Variants in ANO7 observed in about 807,000 individuals in gnomAD.
ANO7 encodes anoctamin 7, also known as anoctamin-7.
In ANO7, 114 loss-of-function variants were observed where a neutral mutation model predicts 115.8. That is an observed-to-expected ratio of 0.98 (90% CI 0.85 to 1.15). The LOEUF is 1.15. Among genes scored for constraint, ANO7 ranks in the 50% most tolerant of loss-of-function variants. ANO7 has a pLI of 0.00. For missense variants in ANO7, 1,302 were observed against 1,201.2 expected (o/e 1.08, Z -1.24); for synonymous variants, 550 against 498.2 (o/e 1.10, Z -1.38).
At chr2:241,192,291 C>T (rs1376488340) in intron 3 of ANO7, among the ~76,000 whole-genome samples, 1 of 152,206 alleles carries the variant, frequency 6.6e-6, no homozygotes, top group African/African-American at 2.4e-5. Flanking sequence ...CGCCATTGCA[C>T]TCCAGCCTGG....
downstream of ANO7, chr2:241,227,365 G>A (rs1294505312): frequency 1.3e-5 from 2 of 152,528 alleles, no homozygotes; most frequent in Non-Finnish European, 2.9e-5. Context: ...ACACATGTTT[G>A]CATATAATCT....
At chr2:241,223,099 A>C (rs1428102410) in intron 21 of ANO7, 87 bp from the exon 22 acceptor site, 1 of 1,212,412 alleles carries the variant, frequency 8.2e-7, no homozygotes, top group Non-Finnish European at 1.2e-6. Flanking sequence ...AAATGGTGGA[A>C]AAAGGGGAGA....
chr2:241,203,262 C>A lies in ANO7; in HGVS notation c.724-71C>A. The A allele has an allele frequency of 7.7e-7, 1 of 1,300,480 alleles. No individual in the cohort carries two copies. Among genetic ancestry groups the A allele is most frequent in the Non-Finnish European group, 1.0e-6 (1 of 974,352 alleles). The allele number at this position is 1,300,480 out of a possible 1,614,324, so 80.6% of individuals were successfully genotyped here. A position where few individuals can be genotyped will look rare whatever the true frequency, so the allele number is the denominator to read the frequency against. ...GTCTGCCCATGTCCCACACTGAAGC[C>A]CCTGCACCTACAACAGTGCCCAGTG... On this transcript the variant is annotated intron_variant, in intron 8 of 24. Coordinates refer to ENST00000674324, the MANE Select transcript of ANO7 (RefSeq NM_001370694.2). The surrounding 1 kb of genome is among the most constrained non-coding windows in gnomAD (Gnocchi z 4.8).
At chr2:241,189,253 G>A (rs188566825) in intron 1 of ANO7, among the ~76,000 whole-genome samples, 6 of 152,282 alleles carry the variant, frequency 3.9e-5, no homozygotes, top group East Asian at 1.9e-4. Context: ...AGGTGCAGGC[G>A]GCCCAGGCTC....
intron 3 of ANO7, among the ~76,000 whole-genome samples, chr2:241,193,124 A>G (rs549020888): frequency 4.9e-4 from 75 of 151,984 alleles, no homozygotes; most frequent in Non-Finnish European, 9.7e-4. Flanking sequence ...CCAGGCTGGA[A>G]TGCAGTGGCA....
intron 10 of ANO7, among the ~76,000 whole-genome samples, chr2:241,207,047 C>T (rs2068609452): frequency 7.5e-6 from 1 of 132,462 alleles, no homozygotes; most frequent in Admixed American, 7.3e-5. Context: ...CAGGAGTGCT[C>T]CCAGGCTGAC....
chr2:241,198,487 G>A (rs541268246), intron 4 of ANO7, among the ~76,000 whole-genome samples: 25 of 152,350 alleles, frequency 1.6e-4, no homozygotes, highest in Middle Eastern at 3.4e-3. Context: ...GGGCAGGGGG[G>A]ACTACTGCAG....
At chr2:241,217,476 C>G (rs1443164032) in intron 19 of ANO7, 1 of 586,144 alleles carries the variant, frequency 1.7e-6, no homozygotes, top group Non-Finnish European at 3.0e-6. Context: ...AAGCACGGAG[C>G]GCAGGGCAGG....
downstream of ANO7, among the ~76,000 whole-genome samples, chr2:241,226,720 G>A (rs557309949): frequency 2.0e-5 from 3 of 152,218 alleles, no homozygotes; most frequent in South Asian, 2.1e-4. Flanking sequence ...CACCGTACCC[G>A]GCCAACATGT....
At chr2:241,231,213 C>T in the ANO7 span, 7 of 351,894 alleles carry the variant, frequency 2.0e-5, no homozygotes, top group East Asian at 1.2e-4. Flanking sequence ...GGAGAAACCC[C>T]GCCTCTACTA....
At chr2:241,200,020 C>T in intron 5 of ANO7, 69 bp from the exon 6 acceptor site, 2 of 1,578,730 alleles carry the variant, frequency 1.3e-6, no homozygotes, top group Non-Finnish European at 1.7e-6. Flanking sequence ...ACTTGCACAA[C>T]CTCCACTCCC....
chr2:241,234,830 C>T, the ANO7 span, among the ~76,000 whole-genome samples: 1 of 152,226 alleles, frequency 6.6e-6, no homozygotes, highest in African/African-American at 2.4e-5. Flanking sequence ...GCAACCTTGA[C>T]CTTTCTTGTA....
rs370329813 is a variant in ANO7 at position 241,209,290 on chromosome 2, C to A, written c.1083C>A (p.Gly361=). Residue 361 remains glycine, a synonymous_variant, in exon 12 of 25, where the codon GGC becomes GGA. Transcript: ENST00000674324. The part of the protein sequence containing the change: ...LSSACALAQA[G]RLFDHGGTVF... ...GCCCCCGCTCCCTGCCACAGGCCGG[C>A]CGGCTGTTCGACCACGGCGGCACCG... 2.1e-5 allele frequency: 32 copies of A among 1,553,170 alleles called. No homozygotes were observed. In the African/African-American group the frequency reaches 4.1e-4, roughly 20 times the overall value.
chr2:241,237,383 G>T, the ANO7 span, among the ~76,000 whole-genome samples: 3 of 152,188 alleles, frequency 2.0e-5, no homozygotes, highest in Non-Finnish European at 4.4e-5. Context: ...GGGACACCGC[G>T]TGTGTACCAA....
chr2:241,197,479 G>A (rs983373582), intron 4 of ANO7, among the ~76,000 whole-genome samples: 3 of 152,118 alleles, frequency 2.0e-5, no homozygotes, highest in East Asian at 1.9e-4. Context: ...TCAATCTCCC[G>A]AGGCTCAAGC....
chr2:241,197,992 T>C (rs898943108), intron 4 of ANO7, among the ~76,000 whole-genome samples: 11 of 152,232 alleles, frequency 7.2e-5, no homozygotes, highest in African/African-American at 2.2e-4. Context: ...GCTTGTTGTC[T>C]GTTCTGGACA....
At position 241,209,291 on chromosome 2, in the gene ANO7, C is replaced by A; in HGVS notation, c.1084C>A (p.Arg362=). ...SSACALAQAG[R]LFDHGGTVFF... ...CCCCCGCTCCCTGCCACAGGCCGGC[C>A]GGCTGTTCGACCACGGCGGCACCGT... Residue 362 remains arginine (R), a synonymous_variant, in exon 12 of 25, where the codon CGG becomes AGG. Transcript: ENST00000674324. The A allele has an allele frequency of 6.4e-7, 1 of 1,553,688 alleles. No individual in the cohort carries two copies. The highest frequency in any genetic ancestry group is 8.7e-7 in the Non-Finnish European group (1 of 1,149,446).
At chr2:241,221,005 C>A (rs2068998811) in intron 21 of ANO7, among the ~76,000 whole-genome samples, 1 of 151,830 alleles carries the variant, frequency 6.6e-6, no homozygotes, top group Non-Finnish European at 1.5e-5. Context: ...AAAAGCACTA[C>A]CTTTACAGAT....
downstream of ANO7, among the ~76,000 whole-genome samples, chr2:241,226,978 G>A (rs1359736496): frequency 2.0e-5 from 3 of 152,188 alleles, no homozygotes; most frequent in Non-Finnish European, 4.4e-5. Flanking sequence ...ATGCCACTGA[G>A]GCTGGCAGAG....
Sources: allele counts gnomAD v4.1 joint callset (sites outside exome capture counted in the v4.1 genomes callset), GRCh38; gene constraint gnomAD v4.1.1; non-coding constraint Gnocchi (gnomAD v3.1); transcripts MANE v1.5; gene names NCBI Gene and HGNC (gene_info 2026-07-23, HGNC 2026-07-21).